Variants in PTGER3 observed in about 807,000 individuals in gnomAD.
PTGER3 encodes the protein prostaglandin E receptor 3.
Under a neutral mutation model 34.7 loss-of-function variants are expected in PTGER3, and 22 were observed. The observed-to-expected ratio is 0.63, with a 90% CI of 0.45 to 0.91. The LOEUF (loss-of-function observed/expected upper bound fraction) is 0.91. Ranked by LOEUF, PTGER3 falls within the 40% of genes least tolerant of loss-of-function variation. PTGER3 has a pLI of 0.00. For synonymous variants in PTGER3, 241 were observed against 230.1 expected (o/e 1.05, Z -0.43); for missense variants, 468 against 519.4 (o/e 0.90, Z 0.96).
chr1:70,986,520 C>T (rs1654929828), intron 2 of PTGER3, among the ~76,000 whole-genome samples: 1 of 152,086 alleles, frequency 6.6e-6, no homozygotes, highest in Admixed American at 6.6e-5. Context: ...ACAGTGGGGT[C>T]AAGGAAGCAG....
At chr1:70,963,881 T>G (rs1355382506) in intron 2 of PTGER3, among the ~76,000 whole-genome samples, 1 of 152,168 alleles carries the variant, frequency 6.6e-6, no homozygotes, top group East Asian at 1.9e-4. Flanking sequence ...AGGCTGCAAA[T>G]TTTCCAAACT....
intron 4 of PTGER3, among the ~76,000 whole-genome samples, chr1:70,909,269 T>A (rs1055831004): frequency 1.3e-5 from 2 of 152,206 alleles, no homozygotes; most frequent in African/African-American, 4.8e-5. Context: ...GAGCTATGTG[T>A]ACGTGTTTAT....
intron 4 of PTGER3, chr1:70,865,628 G>T: frequency 1.5e-6 from 2 of 1,332,646 alleles, no homozygotes; most frequent in South Asian, 2.3e-5. Flanking sequence ...TGTTTCATTA[G>T]AGATAGGCTG....
At chr1:70,970,279 C>G (rs540692066), downstream of PTGER3, among the ~76,000 whole-genome samples, 1 of 152,156 alleles carries the variant, frequency 6.6e-6, no homozygotes, top group East Asian at 1.9e-4. Flanking sequence ...GAATGAGGAA[C>G]AGATAGAAGT....
At chr1:70,981,924 A>G (rs2100730378) in intron 2 of PTGER3, among the ~76,000 whole-genome samples, 1 of 152,180 alleles carries the variant, frequency 6.6e-6, no homozygotes, top group South Asian at 2.1e-4. Context: ...CCCCACAGTT[A>G]TCCTCACTCA....
At chr1:70,865,569 A>T in intron 4 of PTGER3, 1 of 1,183,910 alleles carries the variant, frequency 8.4e-7, no homozygotes, top group Non-Finnish European at 1.1e-6. Flanking sequence ...GGCCACAAAA[A>T]GATAGGTGGG....
intron 4 of PTGER3, among the ~76,000 whole-genome samples, chr1:70,901,801 A>T (rs913737728): frequency 1.3e-5 from 2 of 152,218 alleles, no homozygotes; most frequent in African/African-American, 2.4e-5. Context: ...TGTTTACTTT[A>T]TCCCAAACAT....
At position 70,902,908 on chromosome 1, in the gene PTGER3, C is replaced by T. The variant is rs367955540; in HGVS notation, c.*24-50049G>A. Among the ~76,000 whole-genome samples, 12 of 152,236 alleles carry T rather than the reference C, an allele frequency of 7.9e-5. No individual in the cohort carries two copies. In the East Asian group the frequency reaches 2.3e-3, roughly 29 times the overall value. ...TGTAGCGGGTTGAATGCTGGCCCCC[C>T]AAAAGATATGCCTCATGTCCTAATT... is the stretch of plus-strand genomic sequence containing the variant. On this transcript the variant is annotated intron_variant, in intron 4 of 4. Transcript: ENST00000370931.
intron 4 of PTGER3, among the ~76,000 whole-genome samples, chr1:70,905,564 T>G (rs1646928609): frequency 1.3e-5 from 2 of 152,140 alleles, no homozygotes; most frequent in African/African-American, 4.8e-5. Flanking sequence ...CTTTGGAGCT[T>G]TAAGATTTGA....
chr1:70,873,175 C>G (rs562943467), intron 4 of PTGER3, among the ~76,000 whole-genome samples: 1 of 152,088 alleles, frequency 6.6e-6, no homozygotes, highest in Non-Finnish European at 1.5e-5. Flanking sequence ...TTCTAAAATT[C>G]CAGTTGTGAG....
chr1:70,937,200 A>T (rs1285940780), intron 4 of PTGER3, among the ~76,000 whole-genome samples: 1 of 152,192 alleles, frequency 6.6e-6, no homozygotes, highest in African/African-American at 2.4e-5. Flanking sequence ...TGAGGGAGGG[A>T]TAACAGGTGG....
At chr1:71,042,919 T>A (rs35917467) in intron 1 of PTGER3, among the ~76,000 whole-genome samples, 1 of 152,212 alleles carries the variant, frequency 6.6e-6, no homozygotes, top group Non-Finnish European at 1.5e-5. Flanking sequence ...AGTTCCAAGA[T>A]TGATGATGAG....
rs572362014 is a variant in PTGER3 at position 70,959,694 on chromosome 1, T to C, written c.1078-5905A>G. ...ATTTTTTTCATCTATGTTTTATAGA[T>C]TTCTTAATTGTAGCCAGGGCTGACG... On this transcript the variant is annotated intron_variant, in intron 2 of 3. Coordinates refer to the PTGER3 transcript ENST00000356595. Among the ~76,000 whole-genome samples the C allele has an allele frequency of 2.0e-5, 3 of 152,254 alleles. No homozygotes were observed. The East Asian group carries it at 5.8e-4, about 29-fold the overall frequency.
intron 4 of PTGER3, among the ~76,000 whole-genome samples, chr1:70,910,382 G>A (rs1466639876): frequency 6.6e-6 from 1 of 152,036 alleles, no homozygotes; most frequent in Non-Finnish European, 1.5e-5. Flanking sequence ...CATGGCTGAT[G>A]GTGTTTGTGA....
Position 70,879,767 on chromosome 1 carries a change from T to C in PTGER3, c.*24-26908A>G, listed in dbSNP as rs575008983. Among the ~76,000 whole-genome samples, 57 of 152,226 alleles carry C rather than the reference T, an allele frequency of 3.7e-4. No individual in the cohort carries two copies. The South Asian group carries it at 9.8e-3, about 26-fold the overall frequency. ...CACCTTGTCACTCTGTGCCTTTTAA[T>C]TGAGGTATTTATTCTGTTTGCATTT... is the stretch of plus-strand genomic sequence containing the variant. On this transcript the variant is annotated intron_variant, in intron 4 of 4. Transcript: ENST00000370931.
chr1:71,027,416 G>A (rs1052270322), intron 1 of PTGER3, among the ~76,000 whole-genome samples: 17 of 152,046 alleles, frequency 1.1e-4, no homozygotes, highest in Non-Finnish European at 1.9e-4. Context: ...TCCTGCTTTG[G>A]CCTCTCAAAG....
At chr1:70,863,025 C>G (rs973011004) in intron 4 of PTGER3, among the ~76,000 whole-genome samples, 2 of 151,742 alleles carry the variant, frequency 1.3e-5, no homozygotes, top group African/African-American at 4.8e-5. Context: ...GATGTAAAGT[C>G]AAGAGGATTG....
At chr1:70,922,852 G>GA (rs1323804388) in intron 4 of PTGER3, among the ~76,000 whole-genome samples, 1 of 152,156 alleles carries the variant, frequency 6.6e-6, no homozygotes, top group African/African-American at 2.4e-5. Context: ...GAAGGTTTGT[G>GA]AAAAATTAAT....
At chr1:70,929,655 G>A (rs1052837408) in intron 4 of PTGER3, among the ~76,000 whole-genome samples, 1 of 152,104 alleles carries the variant, frequency 6.6e-6, no homozygotes, top group Non-Finnish European at 1.5e-5. Flanking sequence ...AGTTCCCAAG[G>A]AATAGCTCTT....
Sources: allele counts gnomAD v4.1 joint callset (sites outside exome capture counted in the v4.1 genomes callset), GRCh38; gene constraint gnomAD v4.1.1; transcripts MANE v1.5; gene names NCBI Gene and HGNC (gene_info 2026-07-23, HGNC 2026-07-21).